The following PIEZO1 variants were observed in gnomAD, a reference collection of about 807,000 sequenced individuals.
The protein encoded by PIEZO1 is piezo type mechanosensitive ion channel component 1 (Er blood group).
Under a neutral mutation model 297.2 loss-of-function variants are expected in PIEZO1, and 296 were observed. That is an observed-to-expected ratio of 1.00 (90% CI 0.91 to 1.10). The LOEUF (loss-of-function observed/expected upper bound fraction) is 1.10. PIEZO1 is among the 50% of genes least tolerant of loss of function. The pLI, the probability that PIEZO1 is intolerant of heterozygous loss-of-function variation, is 0.00. For synonymous variants in PIEZO1, 2,427 were observed against 1,507.5 expected, an observed-to-expected ratio of 1.61 and a Z score of -14.13; for missense variants, 5,018 against 3,455.5, an observed-to-expected ratio of 1.45 and a Z score of -11.34.
At chr16:88,726,230 C>G in intron 27 of PIEZO1, 54 bp downstream of exon 27, 1 of 1,446,548 alleles carries the variant, frequency 6.9e-7, no homozygotes, top group Non-Finnish European at 9.3e-7. Context: ...CCTCCCATTG[C>G]CCCCTCCCAG....
intron 2 of PIEZO1, among the ~76,000 whole-genome samples, chr16:88,747,389 G>A (rs2004021): frequency 0.44 from 66,960 of 152,024 alleles, 14,864 homozygotes; most frequent in Middle Eastern, 0.52. Flanking sequence ...GATGGTGGGC[G>A]CCTGTAATCC....
At chr16:88,774,396 GTAAA>G (rs1198465011) in intron 1 of PIEZO1, among the ~76,000 whole-genome samples, 4 of 152,218 alleles carry the variant, frequency 2.6e-5, no homozygotes, top group Non-Finnish European at 5.9e-5. Flanking sequence ...GTCTCGATAA[GTAAA>G]TAAATAAAAA....
intron 1 of PIEZO1, among the ~76,000 whole-genome samples, chr16:88,778,089 C>T (rs775057591): frequency 6.6e-5 from 10 of 152,188 alleles, no homozygotes; most frequent in Non-Finnish European, 1.3e-4. Context: ...CTTCTAGACA[C>T]ACGGGAGGGA....
chr16:88,732,363 T>G lies in PIEZO1; in HGVS notation c.2963A>C (p.Asn988Thr), dbSNP rs1173082610. 1.9e-6 allele frequency: 3 copies of G among 1,549,454 alleles called. No homozygotes were observed. The highest frequency in any genetic ancestry group is 3.9e-5 in the Admixed American group (2 of 50,952). ...CAGCCCGAATTTGTAGAAGAAGAAG[T>G]TGATGAAGTACTTGAGGCAGCCGAG... ...DLLGCLKYFI[N>T]FFFYKFGLEI... is the part of the protein sequence containing the mutation. Residue 988 changes from asparagine to threonine, a missense_variant, in exon 21 of 51, where the codon AAC becomes ACC. Asn to Thr is a moderately conservative substitution (Grantham distance 65, BLOSUM62 0). Transcript: ENST00000301015.
In PIEZO1 at chr16:88,728,255, C is replaced by G. The variant is rs151259311; in HGVS notation, c.3197-594G>C. Among the ~76,000 whole-genome samples the G allele has an allele frequency of 2.7e-3, 415 of 152,388 alleles. 15 individuals carry two copies. Among genetic ancestry groups the G allele is most frequent in the Admixed American group, 0.022 (340 of 15,312 alleles). ...GAGGGAGCCGTGGCACTGCCGGCCC[C>G]CGGCCACACTTCCTGGGAGGCGTGT... On this transcript the variant is annotated intron_variant, in intron 22 of 50. Coordinates refer to ENST00000301015, the MANE Select transcript of PIEZO1 (RefSeq NM_001142864.4).
In PIEZO1 at chr16:88,717,085, C is replaced by T. The variant is rs780666075; in HGVS notation, c.6598G>A (p.Val2200Met). 1.2e-5 allele frequency: 18 copies of T among 1,551,056 alleles called. No individual in the cohort carries two copies. The highest frequency in any genetic ancestry group is 1.4e-5 in the Non-Finnish European group (16 of 1,147,112). ...PLLFMSLVRSVVGVVNQPIDV... is the reference protein window; with the variant it reads ...PLLFMSLVRSMVGVVNQPIDV... ...ATGGGCTGGTTGACAACCCCAACCA[C>T]GGAGCGCACCAGCGACATGAAGAGC... Residue 2200 changes from valine (V) to methionine (M), a missense_variant, in exon 45 of 51, where the codon GTG (valine) becomes ATG (methionine). By Grantham distance (21) the Val-to-Met change is conservative. Coordinates refer to ENST00000301015, the MANE Select transcript of PIEZO1 (RefSeq NM_001142864.4).
intron 2 of PIEZO1, among the ~76,000 whole-genome samples, chr16:88,746,277 G>C (rs147222158): frequency 1.3e-5 from 2 of 152,266 alleles, no homozygotes; most frequent in South Asian, 2.1e-4. Context: ...CCCTGCACGG[G>C]GCATGGTAAG....
chr16:88,727,638 C>T lies in PIEZO1; in HGVS notation c.3220G>A (p.Ala1074Thr), dbSNP rs1904549685. Residue 1074 changes from alanine to threonine, a missense_variant, in exon 23 of 51, where the codon GCC (alanine) becomes ACC (threonine). Ala to Thr is a moderately conservative substitution (Grantham distance 58). Transcript: ENST00000301015. ...ATGAGTGCGGAGTTCATGGGGACGG[C>T]CCGGCTCCAGCGCCAGGGATAATCT... ...CIDYPWRWSR[A>T]VPMNSALIKW... 2 of 1,494,550 alleles carry T rather than the reference C, an allele frequency of 1.3e-6. No individual in the cohort carries two copies. Among genetic ancestry groups the T allele is most frequent in the Non-Finnish European group, 9.0e-7 (1 of 1,112,710 alleles). The allele number at this position is 1,494,550 out of a possible 1,614,324, so 92.6% of individuals were successfully genotyped here.
At position 88,723,218 on chromosome 16, in the gene PIEZO1, CA is replaced by C; in HGVS notation, c.4438+7del. 1 of 1,548,350 alleles carries C rather than the reference CA, an allele frequency of 6.5e-7. No homozygotes were observed. On this transcript the variant is annotated splice_region_variant and intron_variant, in intron 32 of 50. Transcript: ENST00000301015. The stretch of plus-strand genomic sequence containing the variant: ...TTCCCCTCAGAGTCCCCACGCCCCC[CA>C]GCTCACCTGTGGGTAGCTGTCCTGC...
chr16:88,732,386 G>T lies in PIEZO1; in HGVS notation c.2940C>A (p.Leu980=). ...AGTTGATGAAGTACTTGAGGCAGCC[G>T]AGCAGATCCTGGTCCAGCTGCTGGC... ...GTRQQLDQDL[L]GCLKYFINFF... is the part of the protein sequence containing the mutation. The change falls in exon 21 of 51, where the codon CTC becomes CTA. Residue 980 remains leucine, a synonymous_variant. Coordinates refer to ENST00000301015, the MANE Select transcript of PIEZO1 (RefSeq NM_001142864.4). The T allele has an allele frequency of 1.3e-6, 2 of 1,549,746 alleles. No homozygotes were observed. The highest frequency in any genetic ancestry group is 1.7e-6 in the Non-Finnish European group (2 of 1,146,548).
chr16:88,750,858 A>ACCCTCCC (rs1906354514), intron 1 of PIEZO1, among the ~76,000 whole-genome samples: 1 of 126,134 alleles, frequency 7.9e-6, no homozygotes, highest in African/African-American at 3.2e-5. Context: ...CTATCCACCC[A>ACCCTCCC]CCCTCCACCC....
At position 88,725,513 on chromosome 16, in the gene PIEZO1, C is replaced by T. The variant is rs1904357995; in HGVS notation, c.4065G>A (p.Glu1355=). ...KSLAQLKRQM[E]RIRAKQEKHR... is the part of the protein sequence containing the mutation. ...GCTTCTCCTGCTTGGCACGGATACG[C>T]TCCATCCTGTGGTGGGGAAAGGTGG... The change falls in exon 29 of 51, where the codon GAG becomes GAA. Residue 1355 remains glutamate, a synonymous_variant. Coordinates refer to ENST00000301015, the MANE Select transcript of PIEZO1 (RefSeq NM_001142864.4). The T allele has an allele frequency of 3.3e-6, 5 of 1,536,574 alleles. No homozygotes were observed. The highest frequency in any genetic ancestry group is 2.5e-5 in the East Asian group (1 of 40,674).
Position 88,727,649 on chromosome 16 carries a change from C to A in PIEZO1, c.3209G>T (p.Arg1070Leu). Residue 1070 changes from arginine to leucine, a missense_variant, in exon 23 of 51, where the codon CGC becomes CTC. By Grantham distance (102) the Arg-to-Leu change is moderately radical. Coordinates refer to ENST00000301015, the MANE Select transcript of PIEZO1 (RefSeq NM_001142864.4). ...GTTCATGGGGACGGCCCGGCTCCAG[C>A]GCCAGGGATAATCTGGGGGAAGGGG... Reference protein sequence around the residue: ...PPALCIDYPWRWSRAVPMNSA... With the variant: ...PPALCIDYPWLWSRAVPMNSA... 2 of 1,467,956 alleles carry A rather than the reference C, an allele frequency of 1.4e-6. No homozygotes were observed. Among genetic ancestry groups the A allele is most frequent in the African/African-American group, 1.4e-5 (1 of 70,480 alleles). 90.9% of individuals were successfully genotyped at this position (1,467,956 alleles called of 1,614,324 possible). A position where few individuals can be genotyped will look rare whatever the true frequency, so the allele number is the denominator to read the frequency against.
At chr16:88,759,616 G>T (rs892366103) in intron 1 of PIEZO1, among the ~76,000 whole-genome samples, 14 of 152,216 alleles carry the variant, frequency 9.2e-5, no homozygotes, top group Non-Finnish European at 1.9e-4. Context: ...TGCTCTGCAA[G>T]GGAGCCTGCT....
intron 5 of PIEZO1, chr16:88,739,094 C>G: frequency 3.9e-6 from 1 of 253,918 alleles, no homozygotes; most frequent in East Asian, 8.6e-5. Flanking sequence ...ACCCAGGGAG[C>G]AGCGGGGCCC....
At chr16:88,749,571 C>T (rs141764180) in intron 1 of PIEZO1, 92 bp from the exon 2 acceptor site, 1,112 of 963,558 alleles carry the variant, frequency 1.2e-3, no homozygotes, top group Non-Finnish European at 1.6e-3. Context: ...CTCGTCACAC[C>T]GCCGAGGCCG....
At chr16:88,753,252 C>T (rs187287606) in intron 1 of PIEZO1, among the ~76,000 whole-genome samples, 1 of 49,910 alleles carries the variant, frequency 2.0e-5, no homozygotes, top group Non-Finnish European at 3.7e-5. Flanking sequence ...CCCCAGAGCG[C>T]ACCCAGCCCC....
chr16:88,752,269 G>A (rs1906428157), intron 1 of PIEZO1, among the ~76,000 whole-genome samples: 1 of 152,170 alleles, frequency 6.6e-6, no homozygotes, highest in African/African-American at 2.4e-5. Context: ...GATCACTTGA[G>A]CCCAGGAGTT....
chr16:88,762,585 G>C (rs1401015928), intron 1 of PIEZO1, among the ~76,000 whole-genome samples: 2 of 152,228 alleles, frequency 1.3e-5, no homozygotes, highest in African/African-American at 2.4e-5. Context: ...GCCACGGCCA[G>C]AGGGGTTTGC....
Sources: allele counts gnomAD v4.1 joint callset (sites outside exome capture counted in the v4.1 genomes callset), GRCh38; gene constraint gnomAD v4.1.1; transcripts MANE v1.5; gene names NCBI Gene and HGNC (gene_info 2026-07-23, HGNC 2026-07-21).